Variants in NUDT4 observed in about 807,000 individuals in gnomAD.
The protein encoded by NUDT4 is nudix hydrolase 4.
Under a neutral mutation model 23.1 loss-of-function variants are expected in NUDT4, and 5 were observed. That is an observed-to-expected ratio of 0.22 (90% confidence interval 0.11 to 0.46). NUDT4 has a LOEUF of 0.46. Ranked by LOEUF, NUDT4 falls within the 20% of genes least tolerant of loss-of-function variation. NUDT4 has a pLI of 0.99. For synonymous variants in NUDT4, 50 were observed against 79.0 expected (o/e 0.63, Z 1.95); for missense variants, 96 against 211.6 (o/e 0.45, Z 3.39).
At chr12:93,398,203 G>A (rs1877071571) in intron 3 of NUDT4, among the ~76,000 whole-genome samples, 1 of 151,772 alleles carries the variant, frequency 6.6e-6, no homozygotes, top group Non-Finnish European at 1.5e-5. Flanking sequence ...AGCCAGGCGT[G>A]GTGGCGTGCA....
In NUDT4 at chr12:93,378,316, C is replaced by G; in HGVS notation, c.-7C>G. On this transcript the variant is annotated 5_prime_UTR_variant, in exon 1 of 5. Coordinates refer to ENST00000415493, the MANE Select transcript of NUDT4 (RefSeq NM_019094.6). ...AGCAGCAGCAGCAGCAGCAGGAGCC[C>G]GCCTCTATGATGAAGTTCAAGCCCA... is the stretch of plus-strand genomic sequence containing the variant. 2 of 1,306,094 alleles carry G rather than the reference C, an allele frequency of 1.5e-6. No homozygotes were observed. The highest frequency in any genetic ancestry group is 2.1e-6 in the Non-Finnish European group (2 of 973,222). The allele number at this position is 1,306,094 out of a possible 1,614,324, so 80.9% of individuals were successfully genotyped here. A position where few individuals can be genotyped will look rare whatever the true frequency, so the allele number is the denominator to read the frequency against.
rs887079149 is a variant in NUDT4, at chr12:93,404,185, A to G, written c.*4806A>G. ...TTTATCAACCTTAAGAAACATGCCTATTGACGAAGTAAATATACTAGGAAT... is the reference window on the plus strand; with the variant it reads ...TTTATCAACCTTAAGAAACATGCCTGTTGACGAAGTAAATATACTAGGAAT... On this transcript the variant is annotated 3_prime_UTR_variant, in exon 5 of 5. Transcript: ENST00000415493. The G allele has an allele frequency of 2.6e-5, 4 of 152,196 alleles. No homozygotes were observed. The highest frequency in any genetic ancestry group is 9.6e-5 in the African/African-American group (4 of 41,458). The allele number at this position is 152,196 out of a possible 1,614,324, so 9.4% of individuals were successfully genotyped here.
rs983016811 is a variant in NUDT4, at chr12:93,404,301, G to A, written c.*4922G>A. On this transcript the variant is annotated 3_prime_UTR_variant, in exon 5 of 5. Transcript: ENST00000415493. ...TTAAAATAAAATGCTCAGCAGCAAA[G>A]GATTTGTAATGGTTAACTTGCAATA... The A allele has an allele frequency of 1.3e-5, 2 of 152,200 alleles. No individual in the cohort carries two copies. Among genetic ancestry groups the A allele is most frequent in the Non-Finnish European group, 2.9e-5 (2 of 68,036 alleles). The allele number at this position is 152,200 out of a possible 1,614,324, so 9.4% of individuals were successfully genotyped here.
At chr12:93,380,886 T>G (rs2120848477) in intron 1 of NUDT4, 1 of 152,266 alleles carries the variant, frequency 6.6e-6, no homozygotes, top group South Asian at 2.1e-4. Context: ...AACACCTAGA[T>G]CCTGGTTAGA....
At chr12:93,385,669 C>T (rs138974924) in intron 1 of NUDT4, among the ~76,000 whole-genome samples, 2 of 151,760 alleles carry the variant, frequency 1.3e-5, no homozygotes, top group Non-Finnish European at 2.9e-5. Flanking sequence ...CTGTTGTGTG[C>T]GTTTAGAGTG....
At position 93,405,562 on chromosome 12, in the gene NUDT4, G is replaced by T. The variant is rs1249623532; in HGVS notation, c.*6183G>T. ...AAAATTTTAGTCCAGCTCCCAGCATGGCAGCTAATGGCAAGTTAGTACCAT... is the reference window on the plus strand; with the variant it reads ...AAAATTTTAGTCCAGCTCCCAGCATTGCAGCTAATGGCAAGTTAGTACCAT... On this transcript the variant is annotated 3_prime_UTR_variant, in exon 5 of 5. Transcript: ENST00000415493. 9.2e-6 allele frequency: 1 copy of T among 108,724 alleles called. No homozygotes were observed. The allele number at this position is 108,724 out of a possible 1,614,324, so 6.7% of individuals were successfully genotyped here.
At chr12:93,397,093 A>G (rs1876989581) in intron 3 of NUDT4, among the ~76,000 whole-genome samples, 1 of 152,250 alleles carries the variant, frequency 6.6e-6, no homozygotes, top group African/African-American at 2.4e-5. Context: ...TAAGTGCTTT[A>G]CAAATACTGT....
chr12:93,392,508 C>T (rs1400217307), intron 1 of NUDT4, among the ~76,000 whole-genome samples: 4 of 151,600 alleles, frequency 2.6e-5, no homozygotes, highest in Non-Finnish European at 4.4e-5. Context: ...CTGCCCACCT[C>T]AGCCTCCCAA....
chr12:93,382,124 C>T (rs755051900), intron 1 of NUDT4, among the ~76,000 whole-genome samples: 2 of 151,988 alleles, frequency 1.3e-5, no homozygotes, highest in South Asian at 2.1e-4. Flanking sequence ...AGCAGCCGGG[C>T]GTGGTGGCAT....
chr12:93,388,632 GCTT>G, intron 1 of NUDT4, among the ~76,000 whole-genome samples: 1 of 152,320 alleles, frequency 6.6e-6, no homozygotes, highest in East Asian at 1.9e-4. Context: ...TGTGCATGAT[GCTT>G]CTTTCCTGCT....
chr12:93,384,086 T>C (rs1025333072), intron 1 of NUDT4, among the ~76,000 whole-genome samples: 1 of 152,098 alleles, frequency 6.6e-6, no homozygotes, highest in African/African-American at 2.4e-5. Context: ...ATGCATTACA[T>C]AGCCCTTGAA....
chr12:93,392,212 A>G (rs1314637488), intron 1 of NUDT4, among the ~76,000 whole-genome samples: 1 of 146,454 alleles, frequency 6.8e-6, no homozygotes, highest in South Asian at 2.2e-4. Flanking sequence ...GTGAAGTTCA[A>G]CCTAAGCTAG....
chr12:93,402,417 T>C lies in NUDT4; in HGVS notation c.*3038T>C, dbSNP rs1221789973. ...GCGGAAACGTATACCTTTCAGTGCA[T>C]AGTGCATTGTGTGCTTACCCTGGGT... On this transcript the variant is annotated 3_prime_UTR_variant, in exon 5 of 5. Coordinates refer to ENST00000415493, the MANE Select transcript of NUDT4 (RefSeq NM_019094.6). 4 of 152,210 alleles carry C rather than the reference T, an allele frequency of 2.6e-5. No homozygotes were observed. Among genetic ancestry groups the C allele is most frequent in the African/African-American group, 9.7e-5 (4 of 41,444 alleles). The allele number at this position is 152,210 out of a possible 1,614,324, so 9.4% of individuals were successfully genotyped here. A position where few individuals can be genotyped will look rare whatever the true frequency, so the allele number is the denominator to read the frequency against.
Position 93,404,916 on chromosome 12 carries a change from T to TTA in NUDT4, c.*5538_*5539insAT. On this transcript the variant is annotated 3_prime_UTR_variant, in exon 5 of 5. Transcript: ENST00000415493. ...TTTTTTAATGTTTTAGGTTTTTTTTTTTTTAAAAAAAATACTATGCCCATT... is the reference window on the plus strand; with the variant it reads ...TTTTTTAATGTTTTAGGTTTTTTTTTTATTTTAAAAAAAATACTATGCCCATT... 6.6e-6 allele frequency: 1 copy of TTA among 150,912 alleles called. No individual in the cohort carries two copies. The highest frequency in any genetic ancestry group is 2.5e-5 in the African/African-American group (1 of 40,544). 9.3% of individuals were successfully genotyped at this position (150,912 alleles called of 1,614,324 possible). A position where few individuals can be genotyped will look rare whatever the true frequency, so the allele number is the denominator to read the frequency against.
Position 93,404,589 on chromosome 12 carries a change from T to C in NUDT4, c.*5210T>C, listed in dbSNP as rs1877699498. 6.6e-6 allele frequency: 1 copy of C among 152,308 alleles called. No homozygotes were observed. The highest frequency in any genetic ancestry group is 1.9e-4 in the East Asian group (1 of 5,184). 9.4% of individuals were successfully genotyped at this position (152,308 alleles called of 1,614,324 possible). On this transcript the variant is annotated 3_prime_UTR_variant, in exon 5 of 5. Coordinates refer to ENST00000415493, the MANE Select transcript of NUDT4 (RefSeq NM_019094.6). ...TTCAAATGTGATTAAGTCATGGCAA[T>C]CTATTTACTGGATACTTTGTGGTTA... is the stretch of plus-strand genomic sequence containing the variant.
At position 93,392,552 on chromosome 12, in the gene NUDT4, C is replaced by T. The variant is rs560832193; in HGVS notation, c.100-2057C>T. Among the ~76,000 whole-genome samples, 384 of 150,564 alleles carry T rather than the reference C, an allele frequency of 2.6e-3. 8 individuals are homozygous for T. The highest frequency in any genetic ancestry group is 8.4e-3 in the African/African-American group (342 of 40,844). On this transcript the variant is annotated intron_variant, in intron 1 of 4. Transcript: ENST00000415493. ...GATTACAGGCATGAGCCACTGCGCC[C>T]GGCCAGATATTCATTTAAAAGATGG...
chr12:93,380,514 CTT>C (rs1437383381), intron 1 of NUDT4, among the ~76,000 whole-genome samples: 1 of 152,128 alleles, frequency 6.6e-6, no homozygotes, highest in Non-Finnish European at 1.5e-5. Flanking sequence ...TTGTATAAAA[CTT>C]TGTAAATCTG....
chr12:93,383,725 C>T (rs781241790), intron 1 of NUDT4, among the ~76,000 whole-genome samples: 13 of 152,032 alleles, frequency 8.6e-5, no homozygotes, highest in South Asian at 6.2e-4. Context: ...CTGGCTACTC[C>T]GGAGGCTGAG....
chr12:93,395,383 G>T, intron 2 of NUDT4, 106 bp from the exon 3 acceptor site: 1 of 777,738 alleles, frequency 1.3e-6, no homozygotes, highest in Non-Finnish European at 2.2e-6. Flanking sequence ...ATGGGGAGGG[G>T]TATTGTATTT....
Sources: allele counts gnomAD v4.1 joint callset (sites outside exome capture counted in the v4.1 genomes callset), GRCh38; gene constraint gnomAD v4.1.1; transcripts MANE v1.5; gene names NCBI Gene and HGNC (gene_info 2026-07-23, HGNC 2026-07-21).